PSMD5: variants seen among roughly 807,000 people sequenced by gnomAD.
PSMD5 encodes the protein proteasome 26S subunit, non-ATPase 5.
Under a neutral mutation model 52.1 loss-of-function variants are expected in PSMD5, and 40 were observed. The observed-to-expected ratio is 0.77, with a 90% CI of 0.60 to 1.00. The LOEUF (loss-of-function observed/expected upper bound fraction) is 1.00. PSMD5 is among the 50% of genes least tolerant of loss of function. The pLI, the probability that PSMD5 is intolerant of heterozygous loss-of-function variation, is 0.00. For synonymous variants in PSMD5, 211 were observed against 226.6 expected, an observed-to-expected ratio of 0.93 and a Z score of 0.62; for missense variants, 575 against 605.2, an observed-to-expected ratio of 0.95 and a Z score of 0.52.
chr9:120,823,368 T>C (rs1159418457), intron 7 of PSMD5, among the ~76,000 whole-genome samples: 1 of 150,702 alleles, frequency 6.6e-6, no homozygotes. Context: ...ACCACCACGC[T>C]TGGCTGATTT....
chr9:120,839,889 G>A (rs2131438990), intron 1 of PSMD5, among the ~76,000 whole-genome samples: 1 of 147,720 alleles, frequency 6.8e-6, no homozygotes, highest in African/African-American at 2.5e-5. Flanking sequence ...GCCGAGGCAG[G>A]CAAGGCAGAT....
chr9:120,839,908 G>T (rs1344321764), intron 1 of PSMD5, among the ~76,000 whole-genome samples: 2 of 148,474 alleles, frequency 1.3e-5, no homozygotes, highest in Non-Finnish European at 3.0e-5. Context: ...ATCACTTGAG[G>T]TCAGGAGTTC....
At chr9:120,832,847 G>A (rs1183281581) in intron 2 of PSMD5, among the ~76,000 whole-genome samples, 7 of 152,226 alleles carry the variant, frequency 4.6e-5, no homozygotes, top group Non-Finnish European at 1.0e-4. Context: ...GATGATAAGA[G>A]TTACTGTCTT....
chr9:120,830,006 G>C (rs2045149212), intron 4 of PSMD5, among the ~76,000 whole-genome samples: 1 of 152,202 alleles, frequency 6.6e-6, no homozygotes, highest in Non-Finnish European at 1.5e-5. Context: ...TGATAAAAAT[G>C]GATGAGTGGA....
chr9:120,834,836 G>T lies in PSMD5; in HGVS notation c.174-1380C>A, dbSNP rs112602101. ...ATTACAAGGCAGTAAATGGTGAGAG[G>T]TGATGAAGGAGTAAACCAGGGGAGC... On this transcript the variant is annotated intron_variant, in intron 1 of 9. Transcript: ENST00000210313. Among the ~76,000 whole-genome samples the T allele has an allele frequency of 8.5e-3, 1,290 of 152,342 alleles. 27 individuals carry two copies. The highest frequency in any genetic ancestry group is 0.029 in the African/African-American group (1,217 of 41,560).
chr9:120,838,768 TG>T (rs1238328129), intron 1 of PSMD5, among the ~76,000 whole-genome samples: 1 of 152,236 alleles, frequency 6.6e-6, no homozygotes, highest in African/African-American at 2.4e-5. Flanking sequence ...GTATGACCTC[TG>T]GAAGTCTCTT....
rs909162586 is a variant in PSMD5 at position 120,831,189 on chromosome 9, G to C, written c.561+142C>G. On this transcript the variant is annotated intron_variant, in intron 4 of 9. Coordinates refer to ENST00000210313, the MANE Select transcript of PSMD5 (RefSeq NM_005047.4). ...TTTTTTATGACTGTCTCACATACTA[G>C]GCTGGGAATGCATCCTTATATTCCC... The C allele has an allele frequency of 8.1e-6, 7 of 864,092 alleles. No individual in the cohort carries two copies. The African/African-American group carries it at 1.2e-4, about 15-fold the overall frequency. The allele number at this position is 864,092 out of a possible 1,614,324, so 53.5% of individuals were successfully genotyped here.
Position 120,824,495 on chromosome 9 carries a change from T to C in PSMD5, c.1005A>G (p.Thr335=). 8 of 1,614,100 alleles carry C rather than the reference T, an allele frequency of 5.0e-6. No individual in the cohort carries two copies. Among genetic ancestry groups the C allele is most frequent in the Non-Finnish European group, 6.8e-6 (8 of 1,179,964 alleles). ...NVEGKQVLQK[T]GTRFERLLMR... ...TGAACAGGGCCAAGTCATACCAACC[T>C]GTTTTCTGTAAAACCTGTTTTCCTT... The change falls in exon 7 of 10, where the codon ACA becomes ACG. Residue 335 remains threonine, a splice_region_variant and synonymous_variant. Coordinates refer to ENST00000210313, the MANE Select transcript of PSMD5 (RefSeq NM_005047.4).
chr9:120,819,384 C>T (rs2045067172), intron 9 of PSMD5, among the ~76,000 whole-genome samples: 1 of 152,168 alleles, frequency 6.6e-6, no homozygotes, highest in Non-Finnish European at 1.5e-5. Flanking sequence ...ATAGTTATCC[C>T]AACCAGTAAA....
chr9:120,838,342 T>C (rs1361495484), intron 1 of PSMD5, among the ~76,000 whole-genome samples: 16 of 152,264 alleles, frequency 1.1e-4, no homozygotes. Flanking sequence ...TTTCAGATCC[T>C]ATGTGACCCT....
chr9:120,833,236 T>C, intron 2 of PSMD5, 76 bp downstream of exon 2: 1 of 1,476,852 alleles, frequency 6.8e-7, no homozygotes, highest in Non-Finnish European at 9.3e-7. Flanking sequence ...TACTGTGCTT[T>C]CTTCATCTTT....
In PSMD5 at chr9:120,825,129, C is replaced by A. The variant is rs1437857521; in HGVS notation, c.815-444G>T. 2.0e-5 allele frequency among the ~76,000 whole-genome samples: 3 copies of A among 152,076 alleles called. No homozygotes were observed. The East Asian group carries it at 5.8e-4, about 29-fold the overall frequency. On this transcript the variant is annotated intron_variant, in intron 6 of 9. Coordinates refer to ENST00000210313, the MANE Select transcript of PSMD5 (RefSeq NM_005047.4). ...CAGAATAGAATGGCAAGAGTAGATC[C>A]TACAACAGATAAAGACTCCCACTCA... is the stretch of plus-strand genomic sequence containing the variant.
chr9:120,841,301 C>T (rs1421368898), intron 1 of PSMD5, among the ~76,000 whole-genome samples: 1 of 152,006 alleles, frequency 6.6e-6, no homozygotes, highest in Admixed American at 6.5e-5. Flanking sequence ...AGAGATTGGC[C>T]GGGCGCAGTG....
chr9:120,818,935 A>T (rs2045064429), intron 9 of PSMD5, among the ~76,000 whole-genome samples: 1 of 152,160 alleles, frequency 6.6e-6, no homozygotes, highest in Admixed American at 6.5e-5. Flanking sequence ...TGTGATAGTG[A>T]TTTTATCTAA....
intron 9 of PSMD5, among the ~76,000 whole-genome samples, chr9:120,819,728 C>T (rs537652323): frequency 2.0e-5 from 3 of 152,006 alleles, no homozygotes; most frequent in Non-Finnish European, 4.4e-5. Flanking sequence ...GCTAGCTGCT[C>T]GGGAGGCTGA....
chr9:120,826,917 CAGA>C lies in PSMD5; in HGVS notation c.672-13_672-11del. 1.9e-6 allele frequency: 3 copies of C among 1,603,340 alleles called. No individual in the cohort carries two copies. The highest frequency in any genetic ancestry group is 2.2e-5 in the East Asian group (1 of 44,540). The stretch of plus-strand genomic sequence containing the variant: ...TTCTATACAGGTGGCTCTAAAATGT[CAGA>C]AGGACAAAAACAAGGAGATTTTGCA... On this transcript the variant is annotated splice_polypyrimidine_tract_variant and intron_variant, in intron 5 of 9. Coordinates refer to ENST00000210313, the MANE Select transcript of PSMD5 (RefSeq NM_005047.4).
intron 3 of PSMD5, 90 bp from the exon 4 acceptor site, chr9:120,831,549 C>T (rs2045160196): frequency 1.4e-6 from 2 of 1,406,820 alleles, no homozygotes; most frequent in Non-Finnish European, 9.5e-7. Context: ...GCATGGAATG[C>T]ACCTTGCCCA....
chr9:120,841,496 G>C (rs976359140), intron 1 of PSMD5, among the ~76,000 whole-genome samples: 3 of 152,208 alleles, frequency 2.0e-5, no homozygotes, highest in East Asian at 1.9e-4. Flanking sequence ...GGAGAATGGC[G>C]TGAATCAGGG....
intron 6 of PSMD5, among the ~76,000 whole-genome samples, chr9:120,825,256 A>T (rs1001098222): frequency 1.3e-5 from 2 of 152,214 alleles, no homozygotes; most frequent in African/African-American, 2.4e-5. Context: ...AATGTTCTAA[A>T]TAGCACTGAT....
Sources: allele counts gnomAD v4.1 joint callset (sites outside exome capture counted in the v4.1 genomes callset), GRCh38; gene constraint gnomAD v4.1.1; transcripts MANE v1.5; gene names NCBI Gene and HGNC (gene_info 2026-07-23, HGNC 2026-07-21).